USP54: variants seen among roughly 807,000 people sequenced by gnomAD.
The protein encoded by USP54 is ubiquitin specific peptidase 54.
USP54 carries 87 observed loss-of-function variants against 170.5 expected under a neutral mutation model. The ratio of observed to expected loss-of-function variants is 0.51; its 90% CI spans 0.43 to 0.61. The LOEUF (loss-of-function observed/expected upper bound fraction) is 0.61, where lower values mean the gene tolerates loss of function less well. USP54 is among the 20% of genes least tolerant of loss of function. USP54 has a pLI of 0.00. For missense variants in USP54, 1,786 were observed against 2,047.8 expected, an observed-to-expected ratio of 0.87 and a Z score of 2.47; for synonymous variants, 655 against 742.8, an observed-to-expected ratio of 0.88 and a Z score of 1.92.
intron 4 of USP54, among the ~76,000 whole-genome samples, chr10:73,559,350 C>T (rs1005286378): frequency 2.6e-5 from 4 of 151,934 alleles, no homozygotes; most frequent in Admixed American, 6.6e-5. Flanking sequence ...AACCTGAGGT[C>T]GGGAGTTCGA....
Position 73,504,992 on chromosome 10 carries a change from T to G in USP54, c.4171-2A>C, listed in dbSNP as rs1412630103. The G allele has an allele frequency of 6.2e-7, 1 of 1,613,982 alleles. No individual in the cohort carries two copies. Among genetic ancestry groups the G allele is most frequent in the Non-Finnish European group, 8.5e-7 (1 of 1,180,012 alleles). ...GCTGAGGCCTCGGCAAGGTGTAGCC[T>G]TCAAACACACAGACACATACAGGCA... On this transcript the variant is annotated splice_acceptor_variant, in intron 21 of 23. Transcript: ENST00000687698. LOFTEE classifies it high-confidence loss of function.
intron 1 of USP54, among the ~76,000 whole-genome samples, chr10:73,601,260 C>G (rs1488005448): frequency 6.6e-6 from 1 of 152,032 alleles, no homozygotes; most frequent in African/African-American, 2.4e-5. Flanking sequence ...AAAAGGAGCT[C>G]CTGGGATTCT....
chr10:73,568,434 T>C (rs373539212), intron 4 of USP54, among the ~76,000 whole-genome samples: 5 of 152,334 alleles, frequency 3.3e-5, no homozygotes, highest in African/African-American at 1.2e-4. Context: ...TCATCCACAC[T>C]TCCAAATTAG....
chr10:73,505,341 A>G lies in USP54; in HGVS notation c.4137T>C (p.Gly1379=), dbSNP rs1351631838. Residue 1379 remains glycine (G), a synonymous_variant, in exon 21 of 24, where the codon GGT becomes GGC. Coordinates refer to ENST00000687698, the MANE Select transcript of USP54 (RefSeq NM_001391956.1). The part of the protein sequence containing the change: ...SKTSTAEMEH[G]LHEARTVRTS... ...TACGCACTGTTCTGGCTTCATGGAGACCATGCTCCATTTCTGCTGTTGAAG... is the reference window on the plus strand; with the variant it reads ...TACGCACTGTTCTGGCTTCATGGAGGCCATGCTCCATTTCTGCTGTTGAAG... The G allele has an allele frequency of 6.2e-7, 1 of 1,614,050 alleles. No homozygotes were observed. The highest frequency in any genetic ancestry group is 1.7e-5 in the Admixed American group (1 of 59,998).
At chr10:73,616,621 T>C (rs543318615) in intron 1 of USP54, among the ~76,000 whole-genome samples, 1 of 150,216 alleles carries the variant, frequency 6.7e-6, no homozygotes, top group Non-Finnish European at 1.5e-5. Flanking sequence ...CTGCACATCC[T>C]GCATGTGTAT....
upstream of USP54, among the ~76,000 whole-genome samples, chr10:73,592,219 T>C (rs1277496496): frequency 6.6e-6 from 1 of 152,068 alleles, no homozygotes; most frequent in Non-Finnish European, 1.5e-5. Flanking sequence ...AAAACAGTTT[T>C]ATTGAAAGAA....
At chr10:73,536,131 T>C (rs2065159935) in intron 11 of USP54, 138 bp downstream of exon 11, 2 of 1,206,528 alleles carry the variant, frequency 1.7e-6, no homozygotes, top group Non-Finnish European at 1.2e-6. Context: ...CAGCACAAAT[T>C]GGCACTTCTT....
At chr10:73,613,052 G>C (rs559611313) in intron 1 of USP54, among the ~76,000 whole-genome samples, 1 of 151,384 alleles carries the variant, frequency 6.6e-6, no homozygotes, top group South Asian at 2.1e-4. Flanking sequence ...AGCTACTCAG[G>C]AGGCTGAGGT....
At chr10:73,563,452 A>C (rs2073539854) in intron 4 of USP54, among the ~76,000 whole-genome samples, 1 of 151,646 alleles carries the variant, frequency 6.6e-6, no homozygotes, top group Non-Finnish European at 1.5e-5. Context: ...TTATTTACTT[A>C]TTGATATGGA....
chr10:73,569,808 G>A (rs2074668570), intron 4 of USP54, among the ~76,000 whole-genome samples: 1 of 143,034 alleles, frequency 7.0e-6, no homozygotes, highest in Admixed American at 7.1e-5. Context: ...ACTCCAAAGT[G>A]AGTTGGGTGT....
At chr10:73,613,607 C>A (rs1467043034) in intron 1 of USP54, among the ~76,000 whole-genome samples, 5 of 152,002 alleles carry the variant, frequency 3.3e-5, no homozygotes, top group Non-Finnish European at 1.5e-5. Context: ...CCCAAAAGGG[C>A]TGGGCGTGGT....
intron 1 of USP54, among the ~76,000 whole-genome samples, chr10:73,623,354 C>A (rs769757467): frequency 5.3e-5 from 8 of 152,094 alleles, no homozygotes; most frequent in African/African-American, 1.9e-4. Flanking sequence ...CCACTGCATT[C>A]CAGCCTGGGC....
chr10:73,598,588 C>A (rs373276939), intron 1 of USP54, among the ~76,000 whole-genome samples: 1 of 152,022 alleles, frequency 6.6e-6, no homozygotes, highest in South Asian at 2.1e-4. Context: ...ACCAGCCTGG[C>A]CAATATGGTG....
At chr10:73,527,837 C>CAAAA (rs1015620084) in intron 15 of USP54, among the ~76,000 whole-genome samples, 4 of 43,688 alleles carry the variant, frequency 9.2e-5, no homozygotes, top group African/African-American at 2.6e-4. Context: ...CCATCGATAC[C>CAAAA]AAAAAAAAAA....
chr10:73,610,472 A>C (rs2080052494), intron 1 of USP54, among the ~76,000 whole-genome samples: 2 of 152,062 alleles, frequency 1.3e-5, no homozygotes. Context: ...AATTACAAAA[A>C]TTAGCCGGAC....
chr10:73,530,883 C>G, intron 12 of USP54, 48 bp from the exon 13 acceptor site: 1 of 1,609,904 alleles, frequency 6.2e-7, no homozygotes, highest in Non-Finnish European at 8.5e-7. Context: ...AGACTAACCT[C>G]CACCCTCCTG....
intron 23 of USP54, chr10:73,499,558 C>G (rs553390100): frequency 1.3e-4 from 22 of 166,306 alleles, no homozygotes; most frequent in Admixed American, 5.7e-5. Context: ...GCCACCATAC[C>G]AAAACCTCAC....
chr10:73,541,760 G>T, intron 7 of USP54, 22 bp from the exon 8 acceptor site: 1 of 1,606,316 alleles, frequency 6.2e-7, no homozygotes. Context: ...GGAATAGAAG[G>T]GGGATGATGG....
rs144062763 is a variant in USP54 at position 73,536,223 on chromosome 10, C to T, written c.1144+46G>A. On this transcript the variant is annotated intron_variant, in intron 11 of 23. Transcript: ENST00000687698. ...TAACTATGAGTCCCAACTGTTTGAT[C>T]GCATGGGGTGAGGAGAGAGGAGAGG... 4.4e-4 allele frequency: 707 copies of T among 1,603,974 alleles called. 5 individuals carry two copies. The East Asian group carries it at 0.011, about 25-fold the overall frequency.
Sources: gnomAD v4.1 joint callset for allele counts (sites outside exome capture counted in the v4.1 genomes callset) on GRCh38, gnomAD v4.1.1 for gene constraint, MANE v1.5 for transcripts, NCBI Gene and HGNC (gene_info 2026-07-23, HGNC 2026-07-21) for gene names.